Variants in PTGIR observed in about 807,000 individuals in gnomAD.
PTGIR encodes the protein prostacyclin receptor.
PTGIR carries 16 observed loss-of-function variants against 17.6 expected under a neutral mutation model. The ratio of observed to expected loss-of-function variants is 0.91; its 90% CI spans 0.61 to 1.38. The LOEUF (loss-of-function observed/expected upper bound fraction) is 1.38. Ranked by LOEUF, PTGIR falls within the 40% of genes most tolerant of loss-of-function variation. The pLI is 0.00. For synonymous variants in PTGIR, 274 were observed against 255.4 expected, an observed-to-expected ratio of 1.07 and a Z score of -0.69; for missense variants, 532 against 548.6, an observed-to-expected ratio of 0.97 and a Z score of 0.30.
At chr19:46,614,061 G>A in the PTGIR span, among the ~76,000 whole-genome samples, 1 of 152,188 alleles carries the variant, frequency 6.6e-6, no homozygotes, top group African/African-American at 2.4e-5. Flanking sequence ...CTGGGCAAGC[G>A]CTGAGGGGAG....
chr19:46,619,293 G>C (rs1972004619), downstream of PTGIR, among the ~76,000 whole-genome samples: 1 of 151,862 alleles, frequency 6.6e-6, no homozygotes, highest in Non-Finnish European at 1.5e-5. Flanking sequence ...AGGAGTTCGA[G>C]ACCAGCCTGG....
At chr19:46,616,326 CTTTTTTTTTTT>C (rs1021116711), downstream of PTGIR, among the ~76,000 whole-genome samples, 238 of 66,548 alleles carry the variant, frequency 3.6e-3, no homozygotes, top group Non-Finnish European at 5.1e-3. Flanking sequence ...GACAGAAATG[CTTTTTTTTTTT>C]TTTTTTTTTT....
At chr19:46,619,820 G>A (rs950580060), downstream of PTGIR, among the ~76,000 whole-genome samples, 2 of 152,200 alleles carry the variant, frequency 1.3e-5, no homozygotes, top group Admixed American at 6.5e-5. Flanking sequence ...TTTAACAGAG[G>A]GGGAGAGTAG....
At position 46,623,842 on chromosome 19, in the gene PTGIR, C is replaced by T. The variant is rs748202814; in HGVS notation, c.384G>A (p.Ala128=). The change falls in exon 2 of 3, where the codon GCG becomes GCA. Residue 128 remains alanine, a synonymous_variant. Transcript: ENST00000291294. ...CLALSHPYLY[A]QLDGPRCARL... The stretch of plus-strand genomic sequence containing the variant: ...GGGCGCAGCGGGGCCCGTCCAGCTG[C>T]GCGTAGAGGTAGGGGTGGCTCAGCG... 7.5e-6 allele frequency: 12 copies of T among 1,608,452 alleles called. No homozygotes were observed. The South Asian group carries it at 9.9e-5, about 13-fold the overall frequency.
Position 46,621,877 on chromosome 19 carries a change from G to T in PTGIR, c.769-205C>A. ...AAATTGCCAGAGATGCCTAAGGGGA[G>T]AGGGATGGGGGCCAGGTATGTGGGT... On this transcript the variant is annotated intron_variant, in intron 2 of 2. Coordinates refer to ENST00000291294, the MANE Select transcript of PTGIR (RefSeq NM_000960.4). The surrounding 1 kb of genome is among the most constrained non-coding windows in gnomAD (Gnocchi z 4.8). 5 of 1,356,122 alleles carry T rather than the reference G, an allele frequency of 3.7e-6. No homozygotes were observed. Among genetic ancestry groups the T allele is most frequent in the Non-Finnish European group, 4.7e-6 (5 of 1,057,516 alleles). 84.0% of individuals were successfully genotyped at this position (1,356,122 alleles called of 1,614,324 possible).
At chr19:46,624,293 A>T in intron 1 of PTGIR, 56 bp from the exon 2 acceptor site, 3 of 1,394,466 alleles carry the variant, frequency 2.2e-6, no homozygotes, top group Non-Finnish European at 2.8e-6. Flanking sequence ...CCCACCACCC[A>T]GCCCACTCAG....
chr19:46,618,126 T>C (rs1276731684), downstream of PTGIR, among the ~76,000 whole-genome samples: 3 of 151,544 alleles, frequency 2.0e-5, no homozygotes. Flanking sequence ...ACCATTCTCC[T>C]GCCTCAGCCT....
intron 2 of PTGIR, chr19:46,622,440 T>C (rs193176808): frequency 1.0e-6 from 1 of 967,746 alleles, no homozygotes; most frequent in Admixed American, 6.2e-5. Context: ...TACTGTGGAA[T>C]GGGTGGCTAT....
chr19:46,618,645 C>A (rs1421460411), downstream of PTGIR, among the ~76,000 whole-genome samples: 2 of 152,126 alleles, frequency 1.3e-5, no homozygotes, highest in Non-Finnish European at 1.5e-5. Flanking sequence ...GTAAGATACA[C>A]ATAACATAAA....
Position 46,624,175 on chromosome 19 carries a change from C to T in PTGIR, c.51G>A (p.Pro17=), listed in dbSNP as rs200949277. Residue 17 remains proline, a synonymous_variant, in exon 2 of 3, where the codon CCG becomes CCA. Transcript: ENST00000291294. The part of the protein sequence containing the change: ...NLTYVRGSVG[P]ATSTLMFVAG... ...CCACGAACATCAGGGTGCTGGTGGC[C>T]GGCCCCACCGAGCCCCGCACGTAGG... 63 of 1,488,912 alleles carry T rather than the reference C, an allele frequency of 4.2e-5. No individual in the cohort carries two copies. Among genetic ancestry groups the T allele is most frequent in the Admixed American group, 9.5e-5 (4 of 42,222 alleles). 92.2% of individuals were successfully genotyped at this position (1,488,912 alleles called of 1,614,324 possible). A position where few individuals can be genotyped will look rare whatever the true frequency, so the allele number is the denominator to read the frequency against.
chr19:46,612,757 G>A, the PTGIR span, among the ~76,000 whole-genome samples: 1 of 152,134 alleles, frequency 6.6e-6, no homozygotes, highest in Non-Finnish European at 1.5e-5. Flanking sequence ...TAGCAGTAAG[G>A]GTACCTGAGA....
chr19:46,619,547 A>AAGAGAGAGAG (rs200797814), downstream of PTGIR, among the ~76,000 whole-genome samples: 3 of 87,914 alleles, frequency 3.4e-5, no homozygotes, highest in Admixed American at 2.3e-4. Context: ...GAAAGAAAGA[A>AAGAGAGAGAG]AGAGAGAGAG....
downstream of PTGIR, among the ~76,000 whole-genome samples, chr19:46,619,313 C>T (rs75405151): frequency 9.2e-5 from 14 of 151,608 alleles, no homozygotes; most frequent in East Asian, 1.7e-3. Flanking sequence ...GCCAACGTGA[C>T]GAAACCCCGT....
At chr19:46,612,289 G>C in the PTGIR span, among the ~76,000 whole-genome samples, 3 of 152,204 alleles carry the variant, frequency 2.0e-5, no homozygotes, top group Non-Finnish European at 4.4e-5. Flanking sequence ...TCCACAAAAT[G>C]GGGGTATAAT....
chr19:46,624,603 C>T, intron 1 of PTGIR: 1 of 175,956 alleles, frequency 5.7e-6, no homozygotes. Context: ...TACAGGCGTC[C>T]ACTACCACGC....
At chr19:46,613,349 C>A in the PTGIR span, among the ~76,000 whole-genome samples, 2 of 97,220 alleles carry the variant, frequency 2.1e-5, no homozygotes, top group Admixed American at 2.2e-4. Flanking sequence ...CCTCCCCCTA[C>A]CCCCCCATGC....
downstream of PTGIR, among the ~76,000 whole-genome samples, chr19:46,619,604 GGAAA>G (rs200994043): frequency 0.082 from 5,555 of 67,744 alleles, 468 homozygotes; most frequent in Admixed American, 0.091. Flanking sequence ...AAGAAAGAAA[GGAAA>G]GAAAGAAAGA....
At chr19:46,616,291 T>C (rs556277476), downstream of PTGIR, among the ~76,000 whole-genome samples, 12 of 144,808 alleles carry the variant, frequency 8.3e-5, no homozygotes, top group South Asian at 2.8e-3. Flanking sequence ...AGGCATCAGA[T>C]GCCCCAAGTT....
Position 46,624,212 on chromosome 19 carries a change from C to A in PTGIR, c.14G>T (p.Cys5Phe). 1 of 1,449,652 alleles carries A rather than the reference C, an allele frequency of 6.9e-7. No homozygotes were observed. Among genetic ancestry groups the A allele is most frequent in the Non-Finnish European group, 9.0e-7 (1 of 1,107,036 alleles). 89.8% of individuals were successfully genotyped at this position (1,449,652 alleles called of 1,614,324 possible). MADS[C>F]RNLTYVRGSV... ...GCCCCGCACGTAGGTGAGGTTCCTG[C>A]ACGAATCCGCCATCCCAGGTCTGGG... Residue 5 changes from cysteine to phenylalanine, a missense_variant, in exon 2 of 3, where the codon TGC becomes TTC. Cys to Phe is a radical substitution (Grantham distance 205). Coordinates refer to ENST00000291294, the MANE Select transcript of PTGIR (RefSeq NM_000960.4).
Sources: allele counts gnomAD v4.1 joint callset (sites outside exome capture counted in the v4.1 genomes callset), GRCh38; gene constraint gnomAD v4.1.1; non-coding constraint Gnocchi (gnomAD v3.1); transcripts MANE v1.5; gene names NCBI Gene and HGNC (gene_info 2026-07-23, HGNC 2026-07-21).